Variants in MBD5 observed in about 807,000 individuals in gnomAD.
The protein encoded by MBD5 is methyl-CpG-binding domain protein 5.
A neutral mutation model predicts 117.3 loss-of-function variants in MBD5; 13 were observed. That is an observed-to-expected ratio of 0.11 (90% CI 0.07 to 0.18). MBD5 has a LOEUF of 0.18. Among genes scored for constraint, MBD5 ranks in the 10% least tolerant of loss-of-function variants. The pLI, the probability that MBD5 is intolerant of heterozygous loss-of-function variation, is 1.00. For missense variants in MBD5, 1,879 were observed against 2,093.8 expected (o/e 0.90, Z 2.00); for synonymous variants, 727 against 766.4 (o/e 0.95, Z 0.85).
intron 1 of MBD5, among the ~76,000 whole-genome samples, chr2:148,039,330 C>T (rs961040555): frequency 6.6e-6 from 1 of 151,920 alleles, no homozygotes; most frequent in East Asian, 1.9e-4. Flanking sequence ...ACTATTTTTA[C>T]TTTACTAATG....
At chr2:148,456,863 A>G (rs930452318) in intron 4 of MBD5, among the ~76,000 whole-genome samples, 22 of 152,174 alleles carry the variant, frequency 1.4e-4, no homozygotes, top group African/African-American at 5.3e-4. Flanking sequence ...TCTCAGAGCC[A>G]AGGCTGCAAA....
chr2:148,336,626 G>T (rs1702796722), intron 3 of MBD5, among the ~76,000 whole-genome samples: 1 of 152,018 alleles, frequency 6.6e-6, no homozygotes, highest in African/African-American at 2.4e-5. Flanking sequence ...GACTCAAGCA[G>T]TTCTCCCACC....
chr2:148,377,595 T>A (rs1165068709), intron 4 of MBD5, among the ~76,000 whole-genome samples: 2 of 152,226 alleles, frequency 1.3e-5, no homozygotes, highest in African/African-American at 4.8e-5. Flanking sequence ...GTTTGACCAC[T>A]GATGTGATTA....
chr2:148,269,312 T>C (rs1428223922), intron 3 of MBD5, among the ~76,000 whole-genome samples: 1 of 151,876 alleles, frequency 6.6e-6, no homozygotes, highest in East Asian at 1.9e-4. Flanking sequence ...ATTTTAATTT[T>C]TTTTAATAAG....
rs1682339099 is a variant in MBD5, at chr2:148,516,114, G to A, written c.*3173G>A. ...GTAACACTGCAGAATTGCAGGAAGA[G>A]AAAAGGGCAGTTAGTTATTTCACTT... On this transcript the variant is annotated 3_prime_UTR_variant, in exon 14 of 14. Coordinates refer to ENST00000642680, the MANE Select transcript of MBD5 (RefSeq NM_001378120.1). 1 of 152,178 alleles carries A rather than the reference G, an allele frequency of 6.6e-6. No homozygotes were observed. The highest frequency in any genetic ancestry group is 2.4e-5 in the African/African-American group (1 of 41,454). The allele number at this position is 152,178 out of a possible 1,614,324, so 9.4% of individuals were successfully genotyped here.
intron 3 of MBD5, among the ~76,000 whole-genome samples, chr2:148,274,255 G>GT (rs1701049799): frequency 6.6e-6 from 1 of 151,772 alleles, no homozygotes; most frequent in Non-Finnish European, 1.5e-5. Context: ...TATACTCTAA[G>GT]TTCTGGGGTA....
rs940470179 is a variant in MBD5, at chr2:148,513,559, G to A, written c.*618G>A. On this transcript the variant is annotated 3_prime_UTR_variant, in exon 14 of 14. Coordinates refer to ENST00000642680, the MANE Select transcript of MBD5 (RefSeq NM_001378120.1). ...TATGACATACACTGCACACCACTGAGTGTCCATTTATATTGTCTGTTTGGA... is the reference window on the plus strand; with the variant it reads ...TATGACATACACTGCACACCACTGAATGTCCATTTATATTGTCTGTTTGGA... 1.3e-5 allele frequency: 2 copies of A among 153,410 alleles called. No individual in the cohort carries two copies. Among genetic ancestry groups the A allele is most frequent in the Non-Finnish European group, 2.9e-5 (2 of 68,610 alleles). 9.5% of individuals were successfully genotyped at this position (153,410 alleles called of 1,614,324 possible). A position where few individuals can be genotyped will look rare whatever the true frequency, so the allele number is the denominator to read the frequency against.
At chr2:148,255,281 G>C (rs775438383) in intron 3 of MBD5, among the ~76,000 whole-genome samples, 2 of 152,160 alleles carry the variant, frequency 1.3e-5, no homozygotes, top group African/African-American at 4.8e-5. Context: ...TCAGCTCCCC[G>C]TGGTTCCTTT....
At chr2:148,068,741 G>A (rs1428104525) in intron 1 of MBD5, 1 of 152,134 alleles carries the variant, frequency 6.6e-6, no homozygotes, top group African/African-American at 2.4e-5. Context: ...GGTGACTGGT[G>A]ATAATTGTAA....
chr2:148,464,004 T>C, intron 7 of MBD5, 85 bp downstream of exon 7: 1 of 1,414,198 alleles, frequency 7.1e-7, no homozygotes, highest in Middle Eastern at 1.9e-4. Flanking sequence ...CATTTTCTCA[T>C]TCTACTTTTC....
intron 4 of MBD5, among the ~76,000 whole-genome samples, chr2:148,430,556 C>A (rs1705953074): frequency 1.3e-5 from 2 of 151,824 alleles, no homozygotes; most frequent in South Asian, 2.1e-4. Context: ...TTTATTTATC[C>A]ATTTTTGAGA....
chr2:148,468,239 C>A, intron 7 of MBD5, 102 bp from the exon 8 acceptor site: 1 of 911,580 alleles, frequency 1.1e-6, no homozygotes, highest in Admixed American at 2.0e-5. Context: ...TCCAGATGCC[C>A]ATCCTCCCTC....
At chr2:148,278,599 T>C (rs979871100) in intron 3 of MBD5, among the ~76,000 whole-genome samples, 12 of 152,202 alleles carry the variant, frequency 7.9e-5, no homozygotes, top group Non-Finnish European at 1.2e-4. Flanking sequence ...TTAATGTTTA[T>C]TTGCCCTAAA....
intron 4 of MBD5, among the ~76,000 whole-genome samples, chr2:148,372,583 G>C (rs148002107): frequency 1.3e-5 from 2 of 152,066 alleles, no homozygotes; most frequent in East Asian, 3.9e-4. Context: ...GCCCTCACTG[G>C]TGGGAAAAGC....
chr2:148,330,080 T>G (rs1255222355), intron 3 of MBD5, among the ~76,000 whole-genome samples: 1 of 1,084 alleles, frequency 9.2e-4, no homozygotes, highest in Non-Finnish European at 4.2e-3. Flanking sequence ...CCTAAAGCCC[T>G]CCTGCCATAC....
At chr2:148,180,275 A>G (rs1343261740) in intron 2 of MBD5, among the ~76,000 whole-genome samples, 1 of 148,504 alleles carries the variant, frequency 6.7e-6, no homozygotes, top group Non-Finnish European at 1.5e-5. Flanking sequence ...TAATGATTAG[A>G]TAACTATTTT....
intron 1 of MBD5, among the ~76,000 whole-genome samples, chr2:148,088,886 A>G (rs1279682367): frequency 6.6e-6 from 1 of 152,096 alleles, no homozygotes; most frequent in African/African-American, 2.4e-5. Context: ...TGGCCTGAAT[A>G]CTCCACTTCA....
intron 1 of MBD5, among the ~76,000 whole-genome samples, chr2:148,168,321 T>C (rs1247403329): frequency 6.6e-6 from 1 of 152,210 alleles, no homozygotes; most frequent in East Asian, 1.9e-4. Context: ...TTGTCACTGT[T>C]GCATTTCTTC....
At chr2:148,037,532 T>A (rs570004135) in intron 1 of MBD5, among the ~76,000 whole-genome samples, 1 of 152,016 alleles carries the variant, frequency 6.6e-6, no homozygotes, top group African/African-American at 2.4e-5. Flanking sequence ...AATGAGACAG[T>A]TAGAGACATC....
Sources: allele counts gnomAD v4.1 joint callset (sites outside exome capture counted in the v4.1 genomes callset), GRCh38; gene constraint gnomAD v4.1.1; transcripts MANE v1.5; gene names NCBI Gene and HGNC (gene_info 2026-07-23, HGNC 2026-07-21).